TSPAN14: variants seen among roughly 807,000 people sequenced by gnomAD.
TSPAN14 encodes tetraspanin 14.
Under a neutral mutation model 36.6 loss-of-function variants are expected in TSPAN14, and 16 were observed. The ratio of observed to expected loss-of-function variants is 0.44; its 90% CI spans 0.30 to 0.66. The LOEUF (loss-of-function observed/expected upper bound fraction) is 0.66. Among genes scored for constraint, TSPAN14 ranks in the 30% least tolerant of loss-of-function variants. The probability of loss-of-function intolerance (pLI) is 0.12; values close to 1 mark genes in which losing one functional copy is unlikely to be tolerated. For missense variants in TSPAN14, 231 were observed against 355.1 expected (o/e 0.65, Z 2.81); for synonymous variants, 139 against 143.8 (o/e 0.97, Z 0.24).
intron 2 of TSPAN14, among the ~76,000 whole-genome samples, chr10:80,491,568 T>C (rs1209873650): frequency 6.6e-6 from 1 of 152,200 alleles, no homozygotes; most frequent in Non-Finnish European, 1.5e-5. Flanking sequence ...GGCCCTGGTA[T>C]CTTCATTTCT....
intron 1 of TSPAN14, among the ~76,000 whole-genome samples, chr10:80,464,967 A>G (rs547708027): frequency 6.6e-6 from 1 of 152,142 alleles, no homozygotes; most frequent in Non-Finnish European, 1.5e-5. Flanking sequence ...ATAGAGGTCC[A>G]TTTGCAGACA....
At chr10:80,474,237 G>A (rs1461367748) in intron 1 of TSPAN14, among the ~76,000 whole-genome samples, 1 of 152,122 alleles carries the variant, frequency 6.6e-6, no homozygotes, top group Non-Finnish European at 1.5e-5. Flanking sequence ...TTGAAGGATT[G>A]GCTTCGGAGA....
intron 4 of TSPAN14, among the ~76,000 whole-genome samples, chr10:80,508,133 T>TTTG (rs1554866118): frequency 0.06 from 8,915 of 149,424 alleles, 645 homozygotes; most frequent in African/African-American, 0.17. Flanking sequence ...TTTTTTTTTT[T>TTTG]GATACCGAGT....
At chr10:80,455,328 C>A (rs1278593234) in intron 1 of TSPAN14, among the ~76,000 whole-genome samples, 1 of 152,066 alleles carries the variant, frequency 6.6e-6, no homozygotes, top group Admixed American at 6.6e-5. Flanking sequence ...GCGGCGGTGT[C>A]ACACACTCGT....
At chr10:80,482,068 C>T (rs34112736) in intron 1 of TSPAN14, among the ~76,000 whole-genome samples, 1 of 152,120 alleles carries the variant, frequency 6.6e-6, no homozygotes, top group Non-Finnish European at 1.5e-5. Flanking sequence ...GCAGACAGTT[C>T]TAAGAGATAT....
chr10:80,514,389 G>A (rs1233305035), intron 7 of TSPAN14, among the ~76,000 whole-genome samples: 1 of 152,204 alleles, frequency 6.6e-6, no homozygotes, highest in Non-Finnish European at 1.5e-5. Context: ...CCCAGAAGAC[G>A]TCTCTCGTTA....
chr10:80,467,698 G>A (rs1196760607), intron 1 of TSPAN14, among the ~76,000 whole-genome samples: 2 of 152,156 alleles, frequency 1.3e-5, no homozygotes, highest in African/African-American at 2.4e-5. Flanking sequence ...TCAGGTTCTT[G>A]AGGGGTGGTG....
rs536406725 is a variant in TSPAN14 at position 80,520,385 on chromosome 10, G to A, written c.*2409G>A. ...GAAAGCAAGGATGAGAGCCGGTCAC[G>A]TGGCAGTCTCCGCCCAGCATCGGCT... On this transcript the variant is annotated 3_prime_UTR_variant, in exon 9 of 9. Coordinates refer to ENST00000429989, the Ensembl canonical transcript of TSPAN14. 12 of 399,530 alleles carry A rather than the reference G, an allele frequency of 3.0e-5. No homozygotes were observed. The East Asian group carries it at 4.2e-4, about 14-fold the overall frequency. The allele number at this position is 399,530 out of a possible 1,614,324, so 24.7% of individuals were successfully genotyped here. A position where few individuals can be genotyped will look rare whatever the true frequency, so the allele number is the denominator to read the frequency against.
chr10:80,482,732 CTT>C (rs34769982), intron 1 of TSPAN14, among the ~76,000 whole-genome samples: 3,979 of 110,402 alleles, frequency 0.036, 111 homozygotes, highest in African/African-American at 0.11. Context: ...TTTTCTTTTC[CTT>C]TTTTTTTTTT....
intron 1 of TSPAN14, among the ~76,000 whole-genome samples, chr10:80,478,154 GA>G (rs1306548685): frequency 6.6e-6 from 1 of 151,942 alleles, no homozygotes; most frequent in African/African-American, 2.4e-5. Context: ...AGAACATTTT[GA>G]AAAAAATTCT....
intron 1 of TSPAN14, among the ~76,000 whole-genome samples, chr10:80,467,395 T>G (rs372223085): frequency 6.6e-6 from 1 of 152,306 alleles, no homozygotes; most frequent in East Asian, 1.9e-4. Context: ...GTATTCTTTC[T>G]GGGAAAAACA....
At chr10:80,504,630 C>G (rs1304609332) in intron 2 of TSPAN14, 98 bp from the exon 3 acceptor site, 2 of 1,426,316 alleles carry the variant, frequency 1.4e-6, no homozygotes, top group African/African-American at 2.8e-5. Flanking sequence ...GAGCTAGGAG[C>G]ATGCCCTACC....
intron 5 of TSPAN14, among the ~76,000 whole-genome samples, chr10:80,510,829 A>T (rs954654512): frequency 6.6e-6 from 1 of 152,174 alleles, no homozygotes; most frequent in African/African-American, 2.4e-5. Flanking sequence ...AGCCGAGATC[A>T]CGCCACTGCA....
intron 2 of TSPAN14, among the ~76,000 whole-genome samples, chr10:80,497,020 G>C (rs1848232756): frequency 6.6e-6 from 1 of 151,574 alleles, no homozygotes; most frequent in African/African-American, 2.4e-5. Context: ...ATTAGTTATA[G>C]TTTTTCTACT....
intron 3 of TSPAN14, 124 bp from the exon 4 acceptor site, chr10:80,507,104 G>A: frequency 6.1e-6 from 8 of 1,311,686 alleles, no homozygotes; most frequent in Non-Finnish European, 8.4e-6. Flanking sequence ...TGGCCTGGCT[G>A]TCAACAAGAG....
intron 2 of TSPAN14, among the ~76,000 whole-genome samples, chr10:80,492,025 T>G (rs1306861502): frequency 6.6e-6 from 1 of 151,976 alleles, no homozygotes; most frequent in Non-Finnish European, 1.5e-5. Context: ...AGCAGGAGGG[T>G]GCCGGGCTGG....
intron 1 of TSPAN14, 106 bp from the exon 2 acceptor site, chr10:80,489,111 A>G (rs932066377): frequency 2.9e-5 from 21 of 721,718 alleles, no homozygotes; most frequent in Admixed American, 2.8e-4. Flanking sequence ...GTAAAGGGTC[A>G]TGAGGGAAAT....
intron 1 of TSPAN14, 61 bp from the exon 2 acceptor site, chr10:80,489,156 G>T (rs1435925119): frequency 2.6e-6 from 3 of 1,152,700 alleles, no homozygotes; most frequent in Non-Finnish European, 3.8e-6. Context: ...ATATGAGCTG[G>T]TTTGGGGGAA....
At chr10:80,474,197 A>G (rs1846722406) in intron 1 of TSPAN14, among the ~76,000 whole-genome samples, 1 of 152,060 alleles carries the variant, frequency 6.6e-6, no homozygotes, top group South Asian at 2.1e-4. Context: ...GTCAGAGGCC[A>G]GTTCTGGGAG....
Sources: gnomAD v4.1 joint callset for allele counts (sites outside exome capture counted in the v4.1 genomes callset) on GRCh38, gnomAD v4.1.1 for gene constraint, MANE v1.5 for transcripts, NCBI Gene and HGNC (gene_info 2026-07-23, HGNC 2026-07-21) for gene names.